The following TTN variants were observed in gnomAD, a reference collection of about 807,000 sequenced individuals.
TTN encodes titin.
In TTN, 1,525 loss-of-function variants were observed where a neutral mutation model predicts 3,223.0. That is an observed-to-expected ratio of 0.47 (90% CI 0.45 to 0.49). The LOEUF (loss-of-function observed/expected upper bound fraction) is 0.49, where lower values mean the gene tolerates loss of function less well. Ranked by LOEUF, TTN falls within the 20% of genes least tolerant of loss-of-function variation. TTN has a pLI of 0.00. For missense variants in TTN, 40,786 were observed against 43,424.0 expected (o/e 0.94, Z 5.40); for synonymous variants, 14,094 against 15,161.0 (o/e 0.93, Z 5.17).
rs753501941 is a variant in TTN at position 178,705,311 on chromosome 2, T to C, written c.29467A>G (p.Ile9823Val). The C allele has an allele frequency of 2.5e-6, 4 of 1,610,676 alleles. No homozygotes were observed. The South Asian group carries it at 3.3e-5, about 13-fold the overall frequency. The change falls in exon 103 of 363, where the codon ATC becomes GTC. Residue 9823 changes from isoleucine to valine, a missense_variant. Physicochemically the swap from Ile to Val is conservative, Grantham distance 29. Transcript: ENST00000589042. The part of the protein sequence containing the change: ...KGAGEEEEID[I>V]MELLKNVDPK... ...TCAACATTTTTGAGAAGTTCCATGA[T>C]ATCAATTTCCTCTTCTTCTCCAGCT...
intron 121 of TTN, 80 bp from the exon 122 acceptor site, chr2:178,689,976 A>G: frequency 8.5e-7 from 1 of 1,173,066 alleles, no homozygotes; most frequent in South Asian, 1.4e-5. Context: ...ACAAATCTTT[A>G]TGTAGTACAT....
At chr2:178,689,977 T>G in intron 121 of TTN, 81 bp from the exon 122 acceptor site, 1 of 1,169,334 alleles carries the variant, frequency 8.6e-7, no homozygotes, top group Non-Finnish European at 1.3e-6. Context: ...CAAATCTTTA[T>G]GTAGTACATT....
At position 178,575,818 on chromosome 2, in the gene TTN, T is replaced by C. The variant is rs1575808959; in HGVS notation, c.70314A>G (p.Pro23438=). Residue 23438 remains proline, a synonymous_variant, in exon 326 of 363, where the codon CCA becomes CCG. Coordinates refer to ENST00000589042, the MANE Select transcript of TTN (RefSeq NM_001267550.2). This position sits in a 1 kb window ranked among gnomAD's most constrained non-coding sequence, Gnocchi z 4.0. The part of the protein sequence containing the change: ...VNVRVLDTPG[P]VLNLRPTDIT... ...TGTCTGTAGGCCGCAGGTTGAGGAC[T>C]GGGCCTGGCGTGTCCAAGACTCTGA... The C allele has an allele frequency of 1.2e-6, 2 of 1,613,350 alleles. No individual in the cohort carries two copies. Among genetic ancestry groups the C allele is most frequent in the Non-Finnish European group, 8.5e-7 (1 of 1,179,446 alleles).
At chr2:178,758,051 A>C in intron 44 of TTN, 135 bp from the exon 45 acceptor site, 7 of 948,748 alleles carry the variant, frequency 7.4e-6, no homozygotes, top group Non-Finnish European at 1.1e-5. Context: ...TTGTCCTTGT[A>C]TGTCACTATT....
chr2:178,599,284 T>C lies in TTN; in HGVS notation c.56509A>G (p.Ser18837Gly). The C allele has an allele frequency of 1.2e-6, 2 of 1,602,646 alleles. No individual in the cohort carries two copies. Among genetic ancestry groups the C allele is most frequent in the African/African-American group, 1.3e-5 (1 of 74,392 alleles). The change falls in exon 290 of 363, where the codon AGT becomes GGT. Residue 18837 changes from serine (S) to glycine (G), a missense_variant. Coordinates refer to ENST00000589042, the MANE Select transcript of TTN (RefSeq NM_001267550.2). Reference sequence around the variant, plus strand: ...GTGTACGTGCACTCCTTAGGTTCACTGGAGACATGGACCCATGTCTTCCTG... The same window carrying C: ...GTGTACGTGCACTCCTTAGGTTCACCGGAGACATGGACCCATGTCTTCCTG... ...ANRKTWVHVS[S>G]EPKECTYTIP...
chr2:178,796,418 A>G (rs893886273), intron 6 of TTN, among the ~76,000 whole-genome samples: 6 of 152,208 alleles, frequency 3.9e-5, no homozygotes, highest in African/African-American at 1.4e-4. Context: ...TATTTTCTCT[A>G]ACTTACAGAG....
rs371366196 is a variant in TTN, at chr2:178,561,696, C to T, written c.84436G>A (p.Val28146Ile). 7.0e-5 allele frequency: 113 copies of T among 1,607,810 alleles called. No homozygotes were observed. The highest frequency in any genetic ancestry group is 1.7e-4 in the Middle Eastern group (1 of 6,050). ...GKSSYSESSA[V>I]VAEYPFSPPG... ...GGACTGAATGGATACTCTGCAACAA[C>T]AGCTGAAGATTCACTGTAGGAGCTC... The change falls in exon 326 of 363, where the codon GTT (valine) becomes ATT (isoleucine). Residue 28146 changes from valine to isoleucine, a missense_variant. Transcript: ENST00000589042.
At position 178,672,711 on chromosome 2, in the gene TTN, G is replaced by T; in HGVS notation, c.34787-8C>A. On this transcript the variant is annotated splice_polypyrimidine_tract_variant and splice_region_variant and intron_variant, in intron 152 of 362. Coordinates refer to ENST00000589042, the MANE Select transcript of TTN (RefSeq NM_001267550.2). ...CAGGAATTTTCTTTGACACTTTAAA[G>T]ATATTAGGTGTTTTAGTTAGCTGAG... 1 of 1,591,628 alleles carries T rather than the reference G, an allele frequency of 6.3e-7. No individual in the cohort carries two copies. The highest frequency in any genetic ancestry group is 8.6e-7 in the Non-Finnish European group (1 of 1,167,830).
rs778009539 is a variant in TTN at position 178,605,632 on chromosome 2, C to T, written c.53663G>A (p.Ser17888Asn). 6.2e-7 allele frequency: 1 copy of T among 1,605,710 alleles called. No individual in the cohort carries two copies. The highest frequency in any genetic ancestry group is 1.1e-5 in the South Asian group (1 of 90,698). ...TCCTTGGATGGGACTGCCACCATTA[C>T]TGCGGGGCTCTTTCCAGTCAAGTGT... ...TITLDWKEPR[S>N]NGGSPIQGYI... is the part of the protein sequence containing the mutation. Residue 17888 changes from serine to asparagine, a missense_variant, in exon 279 of 363, where the codon AGT becomes AAT. Coordinates refer to ENST00000589042, the MANE Select transcript of TTN (RefSeq NM_001267550.2).
chr2:178,644,430 A>G (rs1246755412), intron 218 of TTN, 118 bp downstream of exon 218: 1 of 726,516 alleles, frequency 1.4e-6, no homozygotes, highest in Non-Finnish European at 2.1e-6. Flanking sequence ...TAAGAAATGA[A>G]TGGGACTACT....
In TTN at chr2:178,554,624, C is replaced by CA; in HGVS notation, c.88722dup (p.Glu29575Ter). On this transcript the variant is annotated frameshift_variant, in exon 332 of 363. Transcript: ENST00000589042. LOFTEE classifies it high-confidence loss of function. ...ATAGACCACACAACGCGGCTTGTCT[C>CA]ACGCTTTTCCACAATGTAGTGAGTG... The CA allele has an allele frequency of 6.2e-7, 1 of 1,613,900 alleles. No individual in the cohort carries two copies. Among genetic ancestry groups the CA allele is most frequent in the Non-Finnish European group, 8.5e-7 (1 of 1,179,844 alleles).
rs980366882 is a variant in TTN at position 178,682,549 on chromosome 2, G to A, written c.33094+148C>T. The stretch of plus-strand genomic sequence containing the variant: ...ATTTTTTCTAGAAGTTATCAAAGAA[G>A]AAAATTCCGCATTTGCGAAATGAAA... On this transcript the variant is annotated intron_variant, in intron 135 of 362. Transcript: ENST00000589042. 77 of 738,746 alleles carry A rather than the reference G, an allele frequency of 1.0e-4. 2 individuals carry two copies. The South Asian group carries it at 1.8e-3, about 17-fold the overall frequency. 45.8% of individuals were successfully genotyped at this position (738,746 alleles called of 1,614,324 possible).
chr2:178,583,493 A>T, intron 312 of TTN, 114 bp downstream of exon 312: 1 of 1,173,908 alleles, frequency 8.5e-7, no homozygotes, highest in Non-Finnish European at 1.2e-6. Flanking sequence ...CTATATACAA[A>T]ACATCATTTT....
In TTN at chr2:178,784,288, G is replaced by C. The variant is rs1234178280; in HGVS notation, c.2557C>G (p.Gln853Glu). ...GCCTTCACCGATTTGGTGATCTTCTGAGCAGAAGATGTGGCTGACAACTCT... is the reference window on the plus strand; with the variant it reads ...GCCTTCACCGATTTGGTGATCTTCTCAGCAGAAGATGTGGCTGACAACTCT... ...QKELSATSSA[Q>E]KITKSVKAPT... Residue 853 changes from glutamine (Q) to glutamate (E), a missense_variant, in exon 16 of 363, where the codon CAG becomes GAG. Coordinates refer to ENST00000589042, the MANE Select transcript of TTN (RefSeq NM_001267550.2). 5 of 1,614,132 alleles carry C rather than the reference G, an allele frequency of 3.1e-6. No individual in the cohort carries two copies. In the African/African-American group the frequency reaches 6.7e-5, roughly 22 times the overall value.
rs752890306 is a variant in TTN at position 178,572,097 on chromosome 2, A to T, written c.74035T>A (p.Leu24679Ile). Reference protein sequence around the residue: ...VKVTEATITGLIQGEEYSFRV... With the variant: ...VKVTEATITGIIQGEEYSFRV... The stretch of plus-strand genomic sequence containing the variant: ...AAAGAGTATTCTTCACCCTGAATTA[A>T]TCCAGTGATAGTGGCTTCAGTGACC... Residue 24679 changes from leucine (L) to isoleucine (I), a missense_variant, in exon 326 of 363, where the codon TTA becomes ATA. Coordinates refer to ENST00000589042, the MANE Select transcript of TTN (RefSeq NM_001267550.2). The T allele has an allele frequency of 1.2e-6, 2 of 1,613,218 alleles. No individual in the cohort carries two copies. Among genetic ancestry groups the T allele is most frequent in the Non-Finnish European group, 1.7e-6 (2 of 1,179,522 alleles).
In TTN at chr2:178,757,747, A is replaced by T. The variant is rs1311994176; in HGVS notation, c.10473T>A (p.Ile3491=). 1 of 1,613,726 alleles carries T rather than the reference A, an allele frequency of 6.2e-7. No individual in the cohort carries two copies. Among genetic ancestry groups the T allele is most frequent in the Non-Finnish European group, 8.5e-7 (1 of 1,179,814 alleles). The part of the protein sequence containing the change: ...TVRFHARVSG[I]PKPEIQWFHN... The stretch of plus-strand genomic sequence containing the variant: ...GAAACCATTGGATTTCTGGCTTGGG[A>T]ATGCCAGAAACCCTCGCATGAAATC... Residue 3491 remains isoleucine (I), a synonymous_variant, in exon 45 of 363, where the codon ATT becomes ATA. Coordinates refer to ENST00000589042, the MANE Select transcript of TTN (RefSeq NM_001267550.2).
intron 48 of TTN, among the ~76,000 whole-genome samples, chr2:178,738,708 G>GTGA (rs10631937): frequency 0.058 from 8,785 of 151,986 alleles, 386 homozygotes; most frequent in South Asian, 0.16. Flanking sequence ...ACTAAATAAA[G>GTGA]TGATGAAGTG....
Position 178,532,362 on chromosome 2 carries a change from GGCA to G in TTN, c.104250_104252del (p.Ala34751del). On this transcript the variant is annotated inframe_deletion, in exon 358 of 363. Coordinates refer to ENST00000589042, the MANE Select transcript of TTN (RefSeq NM_001267550.2). The stretch of plus-strand genomic sequence containing the variant: ...GCTTTGGCTGTCTGTACGCAGCCTG[GGCA>G]TGCCGTTCCCTCAGTTCTGCATAAC... 1 of 1,613,946 alleles carries G rather than the reference GGCA, an allele frequency of 6.2e-7. No individual in the cohort carries two copies. Among genetic ancestry groups the G allele is most frequent in the African/African-American group, 1.3e-5 (1 of 75,018 alleles).
chr2:178,595,449 G>A (rs2051300145), intron 295 of TTN, 58 bp downstream of exon 295: 1 of 1,490,406 alleles, frequency 6.7e-7, no homozygotes, highest in Non-Finnish European at 9.1e-7. Context: ...TTTCACCATA[G>A]TCTTGTACTA....
Sources: allele counts gnomAD v4.1 joint callset (sites outside exome capture counted in the v4.1 genomes callset), GRCh38; gene constraint gnomAD v4.1.1; non-coding constraint Gnocchi (gnomAD v3.1); transcripts MANE v1.5; gene names NCBI Gene and HGNC (gene_info 2026-07-23, HGNC 2026-07-21).